SLC35F3: variants seen among roughly 807,000 people sequenced by gnomAD.
SLC35F3 encodes putative thiamine transporter SLC35F3.
A neutral mutation model predicts 49.9 loss-of-function variants in SLC35F3; 25 were observed. The ratio of observed to expected loss-of-function variants is 0.50; its 90% confidence interval spans 0.37 to 0.70. The LOEUF (loss-of-function observed/expected upper bound fraction) is 0.70. Among genes scored for constraint, SLC35F3 ranks in the 30% least tolerant of loss-of-function variants. The pLI is 0.00. For synonymous variants in SLC35F3, 275 were observed against 265.4 expected (o/e 1.04, Z -0.35); for missense variants, 525 against 639.8 (o/e 0.82, Z 1.94).
chr1:234,280,850 G>T (rs945509220), intron 3 of SLC35F3, among the ~76,000 whole-genome samples: 2 of 152,268 alleles, frequency 1.3e-5, no homozygotes, highest in South Asian at 4.1e-4. Context: ...GGCAGAATTT[G>T]CACCCAAGTA....
At chr1:234,299,763 C>T (rs534877913) in intron 3 of SLC35F3, among the ~76,000 whole-genome samples, 11 of 140,012 alleles carry the variant, frequency 7.9e-5, no homozygotes, top group African/African-American at 2.7e-4. Flanking sequence ...TGAGATTGCA[C>T]CACTGCACTC....
intron 3 of SLC35F3, among the ~76,000 whole-genome samples, chr1:234,253,761 C>T (rs1667775269): frequency 6.6e-6 from 1 of 152,100 alleles, no homozygotes; most frequent in South Asian, 2.1e-4. Flanking sequence ...GGCACATACC[C>T]AAGGCTGAAT....
At chr1:233,909,091 T>C (rs1436094016) in intron 2 of SLC35F3, among the ~76,000 whole-genome samples, 1 of 152,168 alleles carries the variant, frequency 6.6e-6, no homozygotes, top group African/African-American at 2.4e-5. Context: ...ACTCCTGATC[T>C]TGTGATCTGC....
chr1:234,183,407 A>G (rs927029246), intron 2 of SLC35F3, among the ~76,000 whole-genome samples: 3 of 143,258 alleles, frequency 2.1e-5, no homozygotes, highest in Non-Finnish European at 3.0e-5. Flanking sequence ...GAAAGAAACC[A>G]TTTAAGAAAA....
At chr1:234,032,917 T>C (rs974094356) in intron 2 of SLC35F3, among the ~76,000 whole-genome samples, 2 of 152,194 alleles carry the variant, frequency 1.3e-5, no homozygotes, top group African/African-American at 4.8e-5. Context: ...TAGATCGACT[T>C]TTATTTCTTT....
intron 2 of SLC35F3, among the ~76,000 whole-genome samples, chr1:234,017,939 G>A (rs1030580718): frequency 6.6e-6 from 1 of 151,734 alleles, no homozygotes; most frequent in African/African-American, 2.4e-5. Context: ...ATAGGAGACA[G>A]CATTTCACCA....
At chr1:234,277,974 G>T (rs1668239348) in intron 3 of SLC35F3, among the ~76,000 whole-genome samples, 1 of 152,064 alleles carries the variant, frequency 6.6e-6, no homozygotes. Flanking sequence ...AGGGAAGATG[G>T]CTTAAGCCAA....
chr1:234,110,136 G>T (rs1052245683), intron 2 of SLC35F3, among the ~76,000 whole-genome samples: 1 of 152,096 alleles, frequency 6.6e-6, no homozygotes, highest in African/African-American at 2.4e-5. Context: ...AAAAGGGAAG[G>T]TTTCTGATCA....
At chr1:234,085,583 C>T (rs561724424) in intron 2 of SLC35F3, among the ~76,000 whole-genome samples, 6 of 152,156 alleles carry the variant, frequency 3.9e-5, no homozygotes, top group Non-Finnish European at 5.9e-5. Flanking sequence ...CTACCTTGTA[C>T]CCAGACCTCA....
At chr1:234,108,747 TA>T (rs1199956232) in intron 2 of SLC35F3, among the ~76,000 whole-genome samples, 8 of 113,190 alleles carry the variant, frequency 7.1e-5, no homozygotes, top group African/African-American at 2.3e-4. Flanking sequence ...CTTTTATATA[TA>T]AAAGATATAT....
At chr1:233,985,617 G>A (rs1222373351) in intron 2 of SLC35F3, among the ~76,000 whole-genome samples, 3 of 152,164 alleles carry the variant, frequency 2.0e-5, no homozygotes, top group African/African-American at 7.2e-5. Flanking sequence ...ACAATCATTG[G>A]TACGTGATGT....
chr1:233,908,168 A>C (rs1250926248), intron 2 of SLC35F3, among the ~76,000 whole-genome samples: 1 of 151,084 alleles, frequency 6.6e-6, no homozygotes. Context: ...ATGGGGAGAG[A>C]TGATGGTTAC....
At chr1:233,936,867 T>A (rs7550704) in intron 2 of SLC35F3, among the ~76,000 whole-genome samples, 1 of 152,002 alleles carries the variant, frequency 6.6e-6, no homozygotes, top group East Asian at 1.9e-4. Context: ...TTTTCAGAAA[T>A]GTTTTGTAGA....
chr1:234,206,586 C>T (rs973089013), intron 2 of SLC35F3, among the ~76,000 whole-genome samples: 8 of 152,076 alleles, frequency 5.3e-5, no homozygotes, highest in Admixed American at 1.3e-4. Flanking sequence ...TATTTCTGCC[C>T]TAGTGACTTT....
chr1:234,116,121 A>G (rs1665482810), intron 2 of SLC35F3, among the ~76,000 whole-genome samples: 1 of 152,234 alleles, frequency 6.6e-6, no homozygotes, highest in Non-Finnish European at 1.5e-5. Context: ...TATTTGTCTC[A>G]TGCTTAGTAA....
chr1:233,930,631 C>G (rs982110626), intron 2 of SLC35F3, among the ~76,000 whole-genome samples: 4 of 152,172 alleles, frequency 2.6e-5, no homozygotes, highest in African/African-American at 7.2e-5. Flanking sequence ...TTCCCCAAAA[C>G]TCAACTACCA....
intron 3 of SLC35F3, among the ~76,000 whole-genome samples, chr1:234,259,999 C>G (rs1393101032): frequency 6.6e-6 from 1 of 152,038 alleles, no homozygotes; most frequent in Admixed American, 6.6e-5. Flanking sequence ...TACTCCTGAA[C>G]AAGAAGTTTG....
chr1:233,904,894 C>T lies in SLC35F3; in HGVS notation c.-184C>T. 2.2e-6 allele frequency: 1 copy of T among 463,974 alleles called. No homozygotes were observed. The highest frequency in any genetic ancestry group is 4.5e-5 in the South Asian group (1 of 22,310). The allele number at this position is 463,974 out of a possible 1,614,324, so 28.7% of individuals were successfully genotyped here. A position where few individuals can be genotyped will look rare whatever the true frequency, so the allele number is the denominator to read the frequency against. ...CGCCGCGCCTGCATCGTGCCGCACG[C>T]CGCGGAGGCGCTCGGGTACAGACCG... is the stretch of plus-strand genomic sequence containing the variant. On this transcript the variant is annotated 5_prime_UTR_variant, in exon 1 of 8. Coordinates refer to ENST00000366618, the MANE Select transcript of SLC35F3 (RefSeq NM_173508.4).
At chr1:234,148,121 G>A (rs566125697) in intron 2 of SLC35F3, among the ~76,000 whole-genome samples, 2 of 152,346 alleles carry the variant, frequency 1.3e-5, no homozygotes, top group East Asian at 3.9e-4. Flanking sequence ...GCACTGCCAA[G>A]TTATCCCTTC....
Sources: gnomAD v4.1 joint callset for allele counts (sites outside exome capture counted in the v4.1 genomes callset) on GRCh38, gnomAD v4.1.1 for gene constraint, MANE v1.5 for transcripts, NCBI Gene and HGNC (gene_info 2026-07-23, HGNC 2026-07-21) for gene names.